Variants in APOLD1 observed in about 807,000 individuals in gnomAD.
The protein encoded by APOLD1 is apolipoprotein L domain-containing protein 1.
APOLD1 carries 22 observed loss-of-function variants against 15.3 expected under a neutral mutation model. That is an observed-to-expected ratio of 1.44 (90% CI 1.03 to 2.05). APOLD1 has a LOEUF of 2.05. Among genes scored for constraint, APOLD1 ranks in the 30% most tolerant of loss-of-function variants. APOLD1 has a pLI of 0.00. For synonymous variants in APOLD1, 190 were observed against 167.4 expected (o/e 1.13, Z -1.04); for missense variants, 394 against 353.5 (o/e 1.11, Z -0.92).
chr12:12,760,613 TG>T (rs1430238755), intron 1 of APOLD1, among the ~76,000 whole-genome samples: 2 of 144,482 alleles, frequency 1.4e-5, no homozygotes, highest in Non-Finnish European at 3.0e-5. Context: ...CACTCCAGCC[TG>T]GGTGACAAAA....
upstream of APOLD1, among the ~76,000 whole-genome samples, chr12:12,781,517 T>C (rs1334226932): frequency 1.3e-5 from 2 of 150,856 alleles, no homozygotes; most frequent in Admixed American, 6.6e-5. Flanking sequence ...AGCGTAATTA[T>C]CACTTTATCT....
intron 1 of APOLD1, among the ~76,000 whole-genome samples, chr12:12,740,115 G>T (rs1223340512): frequency 6.6e-6 from 1 of 151,968 alleles, no homozygotes; most frequent in South Asian, 2.1e-4. Flanking sequence ...CTGAGTAGTT[G>T]GGACTACAGG....
intron 1 of APOLD1, among the ~76,000 whole-genome samples, chr12:12,730,066 G>A (rs1238959888): frequency 2.9e-5 from 2 of 69,722 alleles, no homozygotes; most frequent in Non-Finnish European, 5.2e-5. Flanking sequence ...GTGTGTGTGT[G>A]TGTGTGTGTG....
intron 1 of APOLD1, among the ~76,000 whole-genome samples, chr12:12,767,824 C>T (rs1327070508): frequency 6.6e-6 from 1 of 151,882 alleles, no homozygotes; most frequent in Non-Finnish European, 1.5e-5. Context: ...CTCACTCTGT[C>T]ACTCGGGCTG....
chr12:12,753,018 G>A (rs988558778), intron 1 of APOLD1, among the ~76,000 whole-genome samples: 1 of 152,110 alleles, frequency 6.6e-6, no homozygotes. Flanking sequence ...TGGGAGGAGG[G>A]GGGTGCACTC....
intron 1 of APOLD1, among the ~76,000 whole-genome samples, chr12:12,746,624 G>C (rs1404986368): frequency 6.6e-6 from 1 of 152,142 alleles, no homozygotes; most frequent in East Asian, 1.9e-4. Context: ...TGGAAAACAT[G>C]GGAAAACATG....
At chr12:12,763,520 G>C (rs1946918997) in intron 1 of APOLD1, among the ~76,000 whole-genome samples, 1 of 151,550 alleles carries the variant, frequency 6.6e-6, no homozygotes, top group South Asian at 2.1e-4. Flanking sequence ...TGTGTGGGGG[G>C]GGGGAAAACA....
chr12:12,739,085 G>T (rs1456183280), intron 1 of APOLD1, among the ~76,000 whole-genome samples: 1 of 152,228 alleles, frequency 6.6e-6, no homozygotes, highest in Non-Finnish European at 1.5e-5. Flanking sequence ...CAGATTTGGG[G>T]AGGGGGGTGT....
At chr12:12,744,556 C>T (rs10845622) in intron 1 of APOLD1, among the ~76,000 whole-genome samples, 36,249 of 152,076 alleles carry the variant, frequency 0.24, 4,684 homozygotes, top group African/African-American at 0.31. Flanking sequence ...TTGCAGTGAA[C>T]AGAGATCGCA....
chr12:12,741,243 G>A (rs1473915234), intron 1 of APOLD1, among the ~76,000 whole-genome samples: 1 of 152,166 alleles, frequency 6.6e-6, no homozygotes, highest in Non-Finnish European at 1.5e-5. Context: ...GTCTTGCTCT[G>A]TCGCCCTGGC....
rs1255762472 is a variant in APOLD1 at position 12,787,517 on chromosome 12, G to A, written c.612G>A (p.Glu204=). The change falls in exon 2 of 2, where the codon GAG becomes GAA. Residue 204 remains glutamate (E), a synonymous_variant. Coordinates refer to ENST00000356591, the MANE Select transcript of APOLD1 (RefSeq NM_030817.3). This position sits in a 1 kb window ranked among gnomAD's most constrained non-coding sequence, Gnocchi z 4.9. The part of the protein sequence containing the change: ...VLKAKIQKLA[E]SLESCTGALD... ...AGGCCAAGATTCAGAAACTGGCCGA[G>A]AGCCTGGAGTCCTGCACCGGGGCTC... 14 of 1,613,942 alleles carry A rather than the reference G, an allele frequency of 8.7e-6. No homozygotes were observed. The highest frequency in any genetic ancestry group is 1.1e-5 in the South Asian group (1 of 91,094).
intron 1 of APOLD1, among the ~76,000 whole-genome samples, chr12:12,763,267 C>T (rs911142539): frequency 8.6e-5 from 13 of 151,830 alleles, no homozygotes; most frequent in Middle Eastern, 3.4e-3. Context: ...TTTTTGTATG[C>T]GGCGAGAACA....
At position 12,787,263 on chromosome 12, in the gene APOLD1, G is replaced by A. The variant is rs1449550241; in HGVS notation, c.358G>A (p.Val120Met). The change falls in exon 2 of 2, where the codon GTG (valine) becomes ATG (methionine). Residue 120 changes from valine (V) to methionine (M), a missense_variant. Transcript: ENST00000356591. This position sits in a 1 kb window ranked among gnomAD's most constrained non-coding sequence, Gnocchi z 4.9. Reference protein sequence around the residue: ...IFCNSRELRRVQEIAATCQDQ... With the variant: ...IFCNSRELRRMQEIAATCQDQ... ...CTGCAACTCCCGGGAGCTGCGGAGG[G>A]TGCAGGAGATCGCGGCCACCTGCCA... 9 of 1,594,718 alleles carry A rather than the reference G, an allele frequency of 5.6e-6. No homozygotes were observed. Among genetic ancestry groups the A allele is most frequent in the African/African-American group, 1.3e-5 (1 of 74,716 alleles).
At chr12:12,758,538 G>A (rs1394899888) in intron 1 of APOLD1, among the ~76,000 whole-genome samples, 1 of 152,092 alleles carries the variant, frequency 6.6e-6, no homozygotes, top group African/African-American at 2.4e-5. Context: ...GAGCAAGACT[G>A]TCTCAGAAGC....
At chr12:12,730,953 A>G (rs1946635630) in intron 1 of APOLD1, among the ~76,000 whole-genome samples, 8 of 151,920 alleles carry the variant, frequency 5.3e-5, no homozygotes, top group Admixed American at 4.6e-4. Context: ...CATCTTGGCT[A>G]ACACGGTGAA....
At chr12:12,783,460 G>A (rs933512512), upstream of APOLD1, among the ~76,000 whole-genome samples, 1 of 151,616 alleles carries the variant, frequency 6.6e-6, no homozygotes, top group African/African-American at 2.4e-5. Flanking sequence ...ACAGGAGCAC[G>A]CCACCACACA....
intron 1 of APOLD1, among the ~76,000 whole-genome samples, chr12:12,759,914 T>C (rs1946884157): frequency 6.6e-6 from 1 of 152,192 alleles, no homozygotes; most frequent in Non-Finnish European, 1.5e-5. Context: ...GAAGAGTCTA[T>C]GATTATTAGA....
intron 1 of APOLD1, among the ~76,000 whole-genome samples, chr12:12,740,859 G>C (rs888274200): frequency 3.9e-5 from 6 of 152,140 alleles, no homozygotes; most frequent in African/African-American, 1.4e-4. Flanking sequence ...AGTTGCGGCT[G>C]GGCACGGTGG....
upstream of APOLD1, among the ~76,000 whole-genome samples, chr12:12,782,544 T>C (rs1947089412): frequency 6.6e-6 from 1 of 152,140 alleles, no homozygotes; most frequent in Admixed American, 6.6e-5. Flanking sequence ...AGTGACAACT[T>C]GTCTCTACAA....
Sources: allele counts gnomAD v4.1 joint callset (sites outside exome capture counted in the v4.1 genomes callset), GRCh38; gene constraint gnomAD v4.1.1; non-coding constraint Gnocchi (gnomAD v3.1); transcripts MANE v1.5; gene names NCBI Gene and HGNC (gene_info 2026-07-23, HGNC 2026-07-21).